GLIPR1L1: variants seen among roughly 807,000 people sequenced by gnomAD.
GLIPR1L1 encodes GLIPR1-like protein 1.
Under a neutral mutation model 29.9 loss-of-function variants are expected in GLIPR1L1, and 26 were observed. That is an observed-to-expected ratio of 0.87 (90% CI 0.64 to 1.21). The LOEUF is 1.21. GLIPR1L1 is among the 50% of genes most tolerant of loss of function. The probability of loss-of-function intolerance (pLI) is 0.00; values close to 1 mark genes in which losing one functional copy is unlikely to be tolerated. For missense variants in GLIPR1L1, 305 were observed against 290.3 expected (o/e 1.05, Z -0.37); for synonymous variants, 77 against 97.5 (o/e 0.79, Z 1.24).
At chr12:75,367,732 C>T (rs768674558) in intron 4 of GLIPR1L1, among the ~76,000 whole-genome samples, 1 of 152,082 alleles carries the variant, frequency 6.6e-6, no homozygotes, top group Non-Finnish European at 1.5e-5. Context: ...GATGACAAAT[C>T]ATGTCTTCCG....
chr12:75,344,376 T>G (rs1000951204), intron 2 of GLIPR1L1, among the ~76,000 whole-genome samples: 1 of 152,158 alleles, frequency 6.6e-6, no homozygotes, highest in African/African-American at 2.4e-5. Context: ...ATCTTTAAGT[T>G]TGCTAATCTA....
At chr12:75,348,404 C>A (rs1047037153) in intron 3 of GLIPR1L1, among the ~76,000 whole-genome samples, 26 of 152,178 alleles carry the variant, frequency 1.7e-4, no homozygotes, top group African/African-American at 6.3e-4. Context: ...GTGTATATAT[C>A]TCTCTGTATT....
At chr12:75,356,893 AAAG>A (rs775352767) in intron 3 of GLIPR1L1, among the ~76,000 whole-genome samples, 3 of 152,156 alleles carry the variant, frequency 2.0e-5, no homozygotes, top group Admixed American at 2.0e-4. Context: ...AACATCAGTC[AAAG>A]AAGGCTACAG....
intron 2 of GLIPR1L1, among the ~76,000 whole-genome samples, chr12:75,344,238 G>T (rs1366435069): frequency 6.6e-6 from 1 of 152,078 alleles, no homozygotes; most frequent in Non-Finnish European, 1.5e-5. Flanking sequence ...TTCCCTGGAA[G>T]TGGGAAGTTC....
intron 3 of GLIPR1L1, among the ~76,000 whole-genome samples, chr12:75,359,355 G>GTTTTTTTTT (rs1463566931): frequency 1.5e-4 from 7 of 46,432 alleles, no homozygotes; most frequent in Non-Finnish European, 2.5e-4. Context: ...CAGCATTGTT[G>GTTTTTTTTT]TCTTTTTTTT....
chr12:75,352,480 C>G (rs979999132), intron 3 of GLIPR1L1, among the ~76,000 whole-genome samples: 1 of 152,198 alleles, frequency 6.6e-6, no homozygotes, highest in Non-Finnish European at 1.5e-5. Flanking sequence ...GCACCCAATA[C>G]AGGAGCACCC....
intron 4 of GLIPR1L1, among the ~76,000 whole-genome samples, chr12:75,363,964 G>T (rs907182696): frequency 1.3e-5 from 2 of 152,168 alleles, no homozygotes; most frequent in Non-Finnish European, 2.9e-5. Context: ...GTTCTGATTG[G>T]CAATTGGTTG....
intron 4 of GLIPR1L1, chr12:75,366,973 C>CTTGCAGT (rs1566012335): frequency 1.4e-6 from 1 of 701,750 alleles, no homozygotes; most frequent in Middle Eastern, 2.3e-4. Context: ...CAGCTTGCAG[C>CTTGCAGT]TTGCAGTAAC....
At chr12:75,369,286 G>A (rs940198699) in intron 4 of GLIPR1L1, among the ~76,000 whole-genome samples, 2 of 151,460 alleles carry the variant, frequency 1.3e-5, no homozygotes, top group African/African-American at 4.8e-5. Context: ...AGCATTCATC[G>A]CTGACATTAT....
rs988229898 is a variant in GLIPR1L1 at position 75,370,528 on chromosome 12, T to A, written c.*352T>A. 10 of 163,222 alleles carry A rather than the reference T, an allele frequency of 6.1e-5. No individual in the cohort carries two copies. The highest frequency in any genetic ancestry group is 5.5e-4 in the Admixed American group (9 of 16,374). The allele number at this position is 163,222 out of a possible 1,614,324, so 10.1% of individuals were successfully genotyped here. On this transcript the variant is annotated 3_prime_UTR_variant, in exon 6 of 6. Transcript: ENST00000378695. Reference sequence around the variant, plus strand: ...CCTTAGATACCAATAGTTTCCTTTATGAATACCATCAACATCATTCAGAAA... The same window carrying A: ...CCTTAGATACCAATAGTTTCCTTTAAGAATACCATCAACATCATTCAGAAA...
At chr12:75,352,722 A>G (rs1373764730) in intron 3 of GLIPR1L1, among the ~76,000 whole-genome samples, 1 of 152,224 alleles carries the variant, frequency 6.6e-6, no homozygotes, top group Non-Finnish European at 1.5e-5. Flanking sequence ...GCCACAAGGC[A>G]CTTACTCTAA....
At chr12:75,360,850 T>A (rs1330412240) in intron 3 of GLIPR1L1, 1 of 152,226 alleles carries the variant, frequency 6.6e-6, no homozygotes, top group Non-Finnish European at 1.5e-5. Flanking sequence ...TCTGCCTAGA[T>A]ATCCAGGCAT....
intron 4 of GLIPR1L1, 124 bp downstream of exon 4, chr12:75,363,314 C>A: frequency 2.4e-6 from 1 of 409,098 alleles, no homozygotes. Context: ...TGTTATCTTA[C>A]GATATAAATC....
At chr12:75,341,030 C>CA (rs113251142) in intron 1 of GLIPR1L1, among the ~76,000 whole-genome samples, 7,981 of 141,962 alleles carry the variant, frequency 0.056, 228 homozygotes, top group Middle Eastern at 0.089. Flanking sequence ...CAATTTCTTA[C>CA]AAAAAAAAAA....
At chr12:75,366,701 G>T in intron 4 of GLIPR1L1, 2 of 525,724 alleles carry the variant, frequency 3.8e-6, no homozygotes, top group South Asian at 2.5e-5. Context: ...TTTTTGTGTT[G>T]CAGATCAATG....
chr12:75,335,589 A>T (rs1467291195), intron 1 of GLIPR1L1, among the ~76,000 whole-genome samples: 1 of 152,156 alleles, frequency 6.6e-6, no homozygotes, highest in Non-Finnish European at 1.5e-5. Context: ...TATAACTCAT[A>T]TCTATTCCAG....
At chr12:75,336,488 T>A (rs2139237254) in intron 1 of GLIPR1L1, among the ~76,000 whole-genome samples, 1 of 151,862 alleles carries the variant, frequency 6.6e-6, no homozygotes, top group African/African-American at 2.4e-5. Flanking sequence ...ATGCAAACTC[T>A]AAAATTAAGA....
chr12:75,355,659 T>C (rs2043108597), intron 3 of GLIPR1L1, among the ~76,000 whole-genome samples: 1 of 152,124 alleles, frequency 6.6e-6, no homozygotes, highest in African/African-American at 2.4e-5. Context: ...ATTATTCTAT[T>C]ACAAAGATAA....
chr12:75,349,597 A>G (rs1362087895), intron 3 of GLIPR1L1, among the ~76,000 whole-genome samples: 1 of 152,248 alleles, frequency 6.6e-6, no homozygotes, highest in Non-Finnish European at 1.5e-5. Context: ...TGTACTCTAT[A>G]TTTTTAAATG....
Sources: gnomAD v4.1 joint callset for allele counts (sites outside exome capture counted in the v4.1 genomes callset) on GRCh38, gnomAD v4.1.1 for gene constraint, MANE v1.5 for transcripts, NCBI Gene and HGNC (gene_info 2026-07-23, HGNC 2026-07-21) for gene names.